The following PIGY variants were observed in gnomAD, a reference collection of about 807,000 sequenced individuals.
PIGY encodes the protein phosphatidylinositol N-acetylglucosaminyltransferase subunit Y.
In PIGY, 3 loss-of-function variants were observed where a neutral mutation model predicts 4.1. The ratio of observed to expected loss-of-function variants is 0.73; its 90% confidence interval spans 0.33 to 1.89. The LOEUF (loss-of-function observed/expected upper bound fraction) is 1.89. Among genes scored for constraint, PIGY ranks in the 40% most tolerant of loss-of-function variants. PIGY has a pLI of 0.08. For synonymous variants in PIGY, 33 were observed against 31.4 expected (o/e 1.05, Z -0.18); for missense variants, 78 against 80.3 (o/e 0.97, Z 0.11).
At position 88,521,492 on chromosome 4, in the gene PIGY, C is replaced by T. The variant is rs1742367470; in HGVS notation, c.*82G>A. ...CAAAGCAAAGCCTCTTTCCCGCAAA[C>T]TAAATTCCATCCATTTGAGCTTTCA... is the stretch of plus-strand genomic sequence containing the variant. On this transcript the variant is annotated 3_prime_UTR_variant, in exon 2 of 2. Transcript: ENST00000527353. 1.5e-6 allele frequency: 2 copies of T among 1,309,792 alleles called. No homozygotes were observed. The highest frequency in any genetic ancestry group is 4.2e-5 in the Admixed American group (2 of 47,386). 81.1% of individuals were successfully genotyped at this position (1,309,792 alleles called of 1,614,324 possible).
chr4:88,523,271 C>A (rs1256009183), intron 1 of PIGY, among the ~76,000 whole-genome samples: 1 of 152,222 alleles, frequency 6.6e-6, no homozygotes, highest in Non-Finnish European at 1.5e-5. Context: ...TCGAGCCATT[C>A]CCGCAGGCTG....
Position 88,521,901 on chromosome 4 carries a change from A to C in PIGY, c.-112T>G. 1.9e-6 allele frequency: 3 copies of C among 1,550,478 alleles called. No individual in the cohort carries two copies. Among genetic ancestry groups the C allele is most frequent in the Non-Finnish European group, 2.6e-6 (3 of 1,146,696 alleles). On this transcript the variant is annotated 5_prime_UTR_variant, in exon 2 of 2. Coordinates refer to ENST00000527353, the MANE Select transcript of PIGY (RefSeq NM_001042616.3). ...TTAAATTATGAACTAGCGCTGCTCCACTTCTTCTTGCTTCTTACTTTGACG... is the reference window on the plus strand; with the variant it reads ...TTAAATTATGAACTAGCGCTGCTCCCCTTCTTCTTGCTTCTTACTTTGACG...
chr4:88,523,186 T>G (rs1742439317), intron 1 of PIGY, among the ~76,000 whole-genome samples: 2 of 152,008 alleles, frequency 1.3e-5, no homozygotes, highest in Non-Finnish European at 2.9e-5. Flanking sequence ...TCTTGGGGGC[T>G]GTCGGGGAAT....
Position 88,523,693 on chromosome 4 carries a change from C to T in PIGY, c.-436G>A. 1 of 1,486,802 alleles carries T rather than the reference C, an allele frequency of 6.7e-7. No individual in the cohort carries two copies. Among genetic ancestry groups the T allele is most frequent in the South Asian group, 1.3e-5 (1 of 75,676 alleles). The allele number at this position is 1,486,802 out of a possible 1,614,324, so 92.1% of individuals were successfully genotyped here. A position where few individuals can be genotyped will look rare whatever the true frequency, so the allele number is the denominator to read the frequency against. On this transcript the variant is annotated 5_prime_UTR_variant, in exon 1 of 2. In the 5' UTR this introduces an upstream ATG that the reference lacks. Transcript: ENST00000527353. ...TGAGGCGAGCCTGCAGCGTGCTCCA[C>T]TCAGCATGGTCTGGCAGCCGGAGAC...
rs1408109124 is a variant in PIGY at position 88,523,694 on chromosome 4, T to C, written c.-437A>G. ...GAGGCGAGCCTGCAGCGTGCTCCACTCAGCATGGTCTGGCAGCCGGAGACC... is the reference window on the plus strand; with the variant it reads ...GAGGCGAGCCTGCAGCGTGCTCCACCCAGCATGGTCTGGCAGCCGGAGACC... On this transcript the variant is annotated 5_prime_UTR_variant, in exon 1 of 2. Coordinates refer to ENST00000527353, the MANE Select transcript of PIGY (RefSeq NM_001042616.3). The C allele has an allele frequency of 2.7e-6, 4 of 1,478,810 alleles. No individual in the cohort carries two copies. The highest frequency in any genetic ancestry group is 2.6e-5 in the East Asian group (1 of 38,984). The allele number at this position is 1,478,810 out of a possible 1,614,324, so 91.6% of individuals were successfully genotyped here. A position where few individuals can be genotyped will look rare whatever the true frequency, so the allele number is the denominator to read the frequency against.
chr4:88,521,600 C>A lies in PIGY; in HGVS notation c.190G>T (p.Gly64Cys), dbSNP rs758666558. The stretch of plus-strand genomic sequence containing the variant: ...CAATTATGCCTGAAGAGTTTAATAC[C>A]CATCCAAGTCCAAAGGTGGAAGAAT... ...YVFFHLWTWM[G>C]IKLFRHN The change falls in exon 2 of 2, where the codon GGT becomes TGT. Residue 64 changes from glycine (G) to cysteine (C), a missense_variant. Physicochemically the swap from Gly to Cys is radical, Grantham distance 159. Coordinates refer to ENST00000527353, the MANE Select transcript of PIGY (RefSeq NM_001042616.3). 1 of 1,612,972 alleles carries A rather than the reference C, an allele frequency of 6.2e-7. No individual in the cohort carries two copies. The highest frequency in any genetic ancestry group is 1.3e-5 in the African/African-American group (1 of 75,012).
Position 88,521,416 on chromosome 4 carries a change from A to G in PIGY, c.*158T>C. 1.6e-6 allele frequency: 1 copy of G among 640,788 alleles called. No homozygotes were observed. The highest frequency in any genetic ancestry group is 2.1e-5 in the South Asian group (1 of 48,284). 39.7% of individuals were successfully genotyped at this position (640,788 alleles called of 1,614,324 possible). ...AACAAGGGCAGAACAAGAGTACAAT[A>G]AAAGAAGCATCTGCAACTTAAGCCT... On this transcript the variant is annotated 3_prime_UTR_variant, in exon 2 of 2. Coordinates refer to ENST00000527353, the MANE Select transcript of PIGY (RefSeq NM_001042616.3).
rs1264350010 is a variant in PIGY at position 88,521,882 on chromosome 4, T to A, written c.-93A>T. ...TTGCGTTTTTTTAATTTTTTTAAATTATGAACTAGCGCTGCTCCACTTCTT... is the reference window on the plus strand; with the variant it reads ...TTGCGTTTTTTTAATTTTTTTAAATAATGAACTAGCGCTGCTCCACTTCTT... On this transcript the variant is annotated 5_prime_UTR_variant, in exon 2 of 2. Coordinates refer to ENST00000527353, the MANE Select transcript of PIGY (RefSeq NM_001042616.3). 6.5e-7 allele frequency: 1 copy of A among 1,541,244 alleles called. No individual in the cohort carries two copies. Among genetic ancestry groups the A allele is most frequent in the African/African-American group, 1.4e-5 (1 of 72,128 alleles).
chr4:88,522,172 A>G (rs1255976614), intron 1 of PIGY, 143 bp from the exon 2 acceptor site: 2 of 678,142 alleles, frequency 2.9e-6, no homozygotes, highest in Non-Finnish European at 4.6e-6. Flanking sequence ...TAAAAGCAAC[A>G]ATAGCCAATT....
At chr4:88,523,263 G>C (rs1578078171) in intron 1 of PIGY, among the ~76,000 whole-genome samples, 1 of 152,192 alleles carries the variant, frequency 6.6e-6, no homozygotes, top group African/African-American at 2.4e-5. Context: ...AAAACGCTTC[G>C]AGCCATTCCC....
Position 88,523,761 on chromosome 4 carries a change from C to T in PIGY, c.-504G>A, listed in dbSNP as rs1046514884. On this transcript the variant is annotated 5_prime_UTR_variant, in exon 1 of 2. Coordinates refer to ENST00000527353, the MANE Select transcript of PIGY (RefSeq NM_001042616.3). The stretch of plus-strand genomic sequence containing the variant: ...TCGCCACCCGTGGCCGAGCTCCCGG[C>T]TTCCCGTTCGTCCAGGCCAGCCGGG... The T allele has an allele frequency of 5.1e-5, 70 of 1,383,832 alleles. No homozygotes were observed. Among genetic ancestry groups the T allele is most frequent in the Non-Finnish European group, 6.2e-5 (66 of 1,070,578 alleles). The allele number at this position is 1,383,832 out of a possible 1,614,324, so 85.7% of individuals were successfully genotyped here.
rs1443577126 is a variant in PIGY at position 88,521,727 on chromosome 4, G to C, written c.63C>G (p.Phe21Leu). 5 of 1,613,868 alleles carry C rather than the reference G, an allele frequency of 3.1e-6. No individual in the cohort carries two copies. Among genetic ancestry groups the C allele is most frequent in the Admixed American group, 3.3e-5 (2 of 60,008 alleles). The change falls in exon 2 of 2, where the codon TTC becomes TTG. Residue 21 changes from phenylalanine to leucine, a missense_variant. Transcript: ENST00000527353. Reference protein sequence around the residue: ...LIPLVSLAGLFYSASVEENFP... With the variant: ...LIPLVSLAGLLYSASVEENFP... The stretch of plus-strand genomic sequence containing the variant: ...AGTTTTCTTCCACAGAGGCTGAGTA[G>C]AACAGTCCTGCTAAAGAAACCAGTG...
Position 88,523,558 on chromosome 4 carries a change from C to A in PIGY, c.-301G>T, listed in dbSNP as rs1304131245. 1.1e-5 allele frequency: 17 copies of A among 1,550,636 alleles called. No homozygotes were observed. In the East Asian group the frequency reaches 3.9e-4, roughly 36 times the overall value. Reference sequence around the variant, plus strand: ...CTCCAGCAGCGCCGGATCGAAGTCGCGGGGCGGCTCCTCAGTCTTCTTGCC... The same window carrying A: ...CTCCAGCAGCGCCGGATCGAAGTCGAGGGGCGGCTCCTCAGTCTTCTTGCC... On this transcript the variant is annotated 5_prime_UTR_variant, in exon 1 of 2. Transcript: ENST00000527353.
In PIGY at chr4:88,521,769, C is replaced by T. The variant is rs768646903; in HGVS notation, c.21G>A (p.Thr7=). ...AAACCAGTGGAATAAGAACAGTCAA[C>T]GTAGGAAGAGACAGAAACATTCTTC... MFLSLP[T]LTVLIPLVSL... Residue 7 remains threonine, a synonymous_variant, in exon 2 of 2, where the codon ACG becomes ACA. Coordinates refer to ENST00000527353, the MANE Select transcript of PIGY (RefSeq NM_001042616.3). The T allele has an allele frequency of 4.3e-6, 7 of 1,612,430 alleles. No homozygotes were observed. Among genetic ancestry groups the T allele is most frequent in the South Asian group, 1.1e-5 (1 of 90,936 alleles).
Position 88,523,573 on chromosome 4 carries a change from G to T in PIGY, c.-316C>A. The T allele has an allele frequency of 1.9e-6, 3 of 1,550,592 alleles. No individual in the cohort carries two copies. Among genetic ancestry groups the T allele is most frequent in the Non-Finnish European group, 2.6e-6 (3 of 1,146,864 alleles). On this transcript the variant is annotated 5_prime_UTR_variant, in exon 1 of 2. In the 5' UTR this introduces an upstream ATG that the reference lacks. Coordinates refer to ENST00000527353, the MANE Select transcript of PIGY (RefSeq NM_001042616.3). ...ATCGAAGTCGCGGGGCGGCTCCTCA[G>T]TCTTCTTGCCCCGGTCGGCCAAAGG...
chr4:88,521,960 G>A lies in PIGY; in HGVS notation c.-171C>T, dbSNP rs1742384531. ...TAGCTGCCTGTGGTATCATATTAGG[G>A]ATCCCATCAATGATTGGATAAGCTA... On this transcript the variant is annotated 5_prime_UTR_variant, in exon 2 of 2. Coordinates refer to ENST00000527353, the MANE Select transcript of PIGY (RefSeq NM_001042616.3). 3.9e-6 allele frequency: 6 copies of A among 1,550,924 alleles called. No homozygotes were observed. Among genetic ancestry groups the A allele is most frequent in the Non-Finnish European group, 5.2e-6 (6 of 1,146,474 alleles).
intron 1 of PIGY, among the ~76,000 whole-genome samples, chr4:88,523,109 A>G (rs976463122): frequency 1.5e-4 from 19 of 125,884 alleles, no homozygotes; most frequent in African/African-American, 6.5e-4. Context: ...TCTTAAAAGG[A>G]AAAAAAAAAA....
In PIGY at chr4:88,523,745, G is replaced by T; in HGVS notation, c.-488C>A. 1 of 1,393,364 alleles carries T rather than the reference G, an allele frequency of 7.2e-7. No individual in the cohort carries two copies. Among genetic ancestry groups the T allele is most frequent in the Non-Finnish European group, 9.3e-7 (1 of 1,079,032 alleles). The allele number at this position is 1,393,364 out of a possible 1,614,324, so 86.3% of individuals were successfully genotyped here. A position where few individuals can be genotyped will look rare whatever the true frequency, so the allele number is the denominator to read the frequency against. ...AGGCCTCACCGCAGCCTCGCCACCC[G>T]TGGCCGAGCTCCCGGCTTCCCGTTC... On this transcript the variant is annotated 5_prime_UTR_variant, in exon 1 of 2. Coordinates refer to ENST00000527353, the MANE Select transcript of PIGY (RefSeq NM_001042616.3).
chr4:88,521,791 C>A lies in PIGY; in HGVS notation c.-2G>T, dbSNP rs1742376168. 2 of 1,608,728 alleles carry A rather than the reference C, an allele frequency of 1.2e-6. No homozygotes were observed. ...CAACGTAGGAAGAGACAGAAACATT[C>A]TTCTCTTCCACTTATTACCTGCCAC... On this transcript the variant is annotated 5_prime_UTR_variant, in exon 2 of 2. Transcript: ENST00000527353.
Sources: allele counts gnomAD v4.1 joint callset (sites outside exome capture counted in the v4.1 genomes callset), GRCh38; gene constraint gnomAD v4.1.1; transcripts MANE v1.5; gene names NCBI Gene and HGNC (gene_info 2026-07-23, HGNC 2026-07-21).